PCDH9: variants seen among roughly 807,000 people sequenced by gnomAD.
PCDH9 encodes protocadherin 9.
A neutral mutation model predicts 70.6 loss-of-function variants in PCDH9; 24 were observed. The ratio of observed to expected loss-of-function variants is 0.34; its 90% CI spans 0.25 to 0.48. The LOEUF (loss-of-function observed/expected upper bound fraction) is 0.48, where lower values mean the gene tolerates loss of function less well. PCDH9 is among the 20% of genes least tolerant of loss of function. The pLI, the probability that PCDH9 is intolerant of heterozygous loss-of-function variation, is 0.99. For synonymous variants in PCDH9, 562 were observed against 558.5 expected, an observed-to-expected ratio of 1.01 and a Z score of -0.09; for missense variants, 1,281 against 1,503.6, an observed-to-expected ratio of 0.85 and a Z score of 2.45.
intron 2 of PCDH9, among the ~76,000 whole-genome samples, chr13:67,166,177 T>C (rs1014798338): frequency 6.6e-6 from 1 of 152,190 alleles, no homozygotes; most frequent in African/African-American, 2.4e-5. Flanking sequence ...TATAACTCCC[T>C]GGCTTCTTAC....
intron 4 of PCDH9, among the ~76,000 whole-genome samples, chr13:66,442,755 A>T (rs188188183): frequency 1.3e-5 from 2 of 152,224 alleles, no homozygotes; most frequent in African/African-American, 4.8e-5. Flanking sequence ...TGAAGGATGA[A>T]TTTGGTTATG....
At chr13:67,165,429 T>A (rs9541025) in intron 2 of PCDH9, among the ~76,000 whole-genome samples, 69,528 of 151,922 alleles carry the variant, frequency 0.46, 18,030 homozygotes, top group Middle Eastern at 0.62. Context: ...ATAGTGAATA[T>A]TTTATGGGTG....
chr13:66,405,171 TCTC>T (rs1190192102), intron 4 of PCDH9, among the ~76,000 whole-genome samples: 2 of 152,268 alleles, frequency 1.3e-5, no homozygotes, highest in Non-Finnish European at 2.9e-5. Context: ...TTTTCTTTCT[TCTC>T]CTCCATCTCC....
At chr13:66,760,144 C>A (rs760280658) in intron 3 of PCDH9, among the ~76,000 whole-genome samples, 1 of 151,844 alleles carries the variant, frequency 6.6e-6, no homozygotes. Flanking sequence ...CATTTTTTTT[C>A]CCCCTTCAGC....
chr13:66,361,655 A>G (rs918800769), intron 4 of PCDH9, among the ~76,000 whole-genome samples: 8 of 152,174 alleles, frequency 5.3e-5, no homozygotes, highest in African/African-American at 1.7e-4. Flanking sequence ...TGTTCAAGAA[A>G]AAAGGGAAAA....
intron 3 of PCDH9, among the ~76,000 whole-genome samples, chr13:66,754,591 A>G (rs1340283883): frequency 6.6e-6 from 1 of 152,182 alleles, no homozygotes; most frequent in Non-Finnish European, 1.5e-5. Context: ...TATAGACGCT[A>G]TAGGAATTCT....
At chr13:67,045,072 A>G (rs1454484676) in intron 2 of PCDH9, among the ~76,000 whole-genome samples, 2 of 152,096 alleles carry the variant, frequency 1.3e-5, no homozygotes, top group Non-Finnish European at 2.9e-5. Flanking sequence ...ACATTCACAG[A>G]ATATAGAGAA....
intron 3 of PCDH9, among the ~76,000 whole-genome samples, chr13:66,872,259 G>A (rs561417918): frequency 3.3e-5 from 5 of 152,254 alleles, no homozygotes; most frequent in South Asian, 4.1e-4. Context: ...AGATTTGGAT[G>A]AGTATTAGTA....
intron 2 of PCDH9, chr13:67,203,109 C>A (rs545623825): frequency 7.9e-5 from 12 of 152,060 alleles, no homozygotes; most frequent in Non-Finnish European, 1.8e-4. Flanking sequence ...ACATAGCAGT[C>A]TTTTGACCAT....
At chr13:67,103,911 G>A (rs1034464690) in intron 2 of PCDH9, among the ~76,000 whole-genome samples, 3 of 152,076 alleles carry the variant, frequency 2.0e-5, no homozygotes, top group African/African-American at 4.8e-5. Context: ...GTTGCAAAGA[G>A]GCCAATTGTG....
chr13:66,526,763 A>G (rs940833231), intron 4 of PCDH9, among the ~76,000 whole-genome samples: 13 of 152,210 alleles, frequency 8.5e-5, no homozygotes, highest in African/African-American at 3.1e-4. Flanking sequence ...CCCAGCAAGA[A>G]TATCTCAAAG....
intron 4 of PCDH9, among the ~76,000 whole-genome samples, chr13:66,432,118 T>G (rs1957782440): frequency 6.6e-6 from 1 of 152,030 alleles, no homozygotes; most frequent in South Asian, 2.1e-4. Context: ...AAACATGTAC[T>G]TCTTGCTTAT....
chr13:66,512,789 A>T (rs932026730), intron 4 of PCDH9, among the ~76,000 whole-genome samples: 1 of 151,838 alleles, frequency 6.6e-6, no homozygotes, highest in Admixed American at 6.6e-5. Context: ...TCATTCTTTC[A>T]TTCTTTTCTC....
intron 4 of PCDH9, among the ~76,000 whole-genome samples, chr13:66,416,550 C>T (rs1957464622): frequency 6.6e-6 from 1 of 152,148 alleles, no homozygotes; most frequent in Admixed American, 6.5e-5. Flanking sequence ...AGTCAGTTAG[C>T]TATAATGCAT....
chr13:66,776,615 C>T (rs537373130), intron 3 of PCDH9, among the ~76,000 whole-genome samples: 1 of 152,122 alleles, frequency 6.6e-6, no homozygotes, highest in South Asian at 2.1e-4. Context: ...AACCACTGCT[C>T]AATGATATAA....
intron 4 of PCDH9, among the ~76,000 whole-genome samples, chr13:66,349,555 G>A (rs9564313): frequency 0.44 from 67,073 of 151,990 alleles, 16,291 homozygotes; most frequent in East Asian, 0.62. Flanking sequence ...CCCTGGCAGG[G>A]CTTCTAGCAT....
chr13:66,342,901 C>T (rs1426573139), intron 4 of PCDH9, among the ~76,000 whole-genome samples: 1 of 151,964 alleles, frequency 6.6e-6, no homozygotes, highest in East Asian at 1.9e-4. Flanking sequence ...CCACCTCATC[C>T]TCCCAAAGTT....
rs191516450 is a variant in PCDH9, at chr13:66,922,879, T to C, written c.3037-19274A>G. ...CTACTTTTTCCAACTCATTCATTTT[T>C]TTCATCTTTAAAAGAAAACTCATTA... On this transcript the variant is annotated intron_variant, in intron 2 of 4. Coordinates refer to ENST00000377865, the MANE Select transcript of PCDH9 (RefSeq NM_203487.3). 2.3e-3 allele frequency among the ~76,000 whole-genome samples: 349 copies of C among 151,624 alleles called. 1 individual carries two copies. The highest frequency in any genetic ancestry group is 7.5e-3 in the African/African-American group (312 of 41,492).
At chr13:66,799,982 C>G (rs1566202223) in intron 3 of PCDH9, among the ~76,000 whole-genome samples, 1 of 152,300 alleles carries the variant, frequency 6.6e-6, no homozygotes, top group East Asian at 1.9e-4. Flanking sequence ...CTACCTGCTT[C>G]CCTTCTTGCT....
Sources: gnomAD v4.1 joint callset for allele counts (sites outside exome capture counted in the v4.1 genomes callset) on GRCh38, gnomAD v4.1.1 for gene constraint, MANE v1.5 for transcripts, NCBI Gene and HGNC (gene_info 2026-07-23, HGNC 2026-07-21) for gene names.